Variants in CPEB1 observed in about 807,000 individuals in gnomAD.
The protein encoded by CPEB1 is cytoplasmic polyadenylation element-binding protein 1.
Under a neutral mutation model 65.8 loss-of-function variants are expected in CPEB1, and 7 were observed. The ratio of observed to expected loss-of-function variants is 0.11; its 90% CI spans 0.06 to 0.20. CPEB1 has a LOEUF of 0.20. Ranked by LOEUF, CPEB1 falls within the 10% of genes least tolerant of loss-of-function variation. CPEB1 has a pLI of 1.00. For missense variants in CPEB1, 551 were observed against 712.2 expected (o/e 0.77, Z 2.58); for synonymous variants, 262 against 260.0 (o/e 1.01, Z -0.08).
intron 3 of CPEB1, among the ~76,000 whole-genome samples, chr15:82,610,602 G>C (rs1448787120): frequency 6.6e-6 from 1 of 151,808 alleles, no homozygotes; most frequent in African/African-American, 2.4e-5. Flanking sequence ...ACACAGACAA[G>C]TATTTGATGA....
intron 3 of CPEB1, among the ~76,000 whole-genome samples, chr15:82,612,207 G>C (rs1448461453): frequency 2.0e-5 from 3 of 152,004 alleles, no homozygotes; most frequent in Non-Finnish European, 4.4e-5. Flanking sequence ...AGACGGAATA[G>C]AAATTTGAGC....
At chr15:82,630,358 T>C (rs1341470428) in intron 1 of CPEB1, among the ~76,000 whole-genome samples, 1 of 152,136 alleles carries the variant, frequency 6.6e-6, no homozygotes, top group African/African-American at 2.4e-5. Flanking sequence ...TAAACCAAAA[T>C]AAAGTTTTGA....
At chr15:82,623,791 T>C (rs2045522092) in intron 3 of CPEB1, among the ~76,000 whole-genome samples, 1 of 152,242 alleles carries the variant, frequency 6.6e-6, no homozygotes, top group Non-Finnish European at 1.5e-5. Flanking sequence ...TTTTACACTT[T>C]TTTTTACACC....
intron 3 of CPEB1, among the ~76,000 whole-genome samples, chr15:82,600,009 T>C (rs1479309025): frequency 2.6e-5 from 4 of 151,600 alleles, no homozygotes; most frequent in Admixed American, 1.3e-4. Context: ...GAAAGAAAAA[T>C]GAGGCACAGG....
chr15:82,640,496 T>A (rs1299862246), intron 1 of CPEB1, among the ~76,000 whole-genome samples: 1 of 152,142 alleles, frequency 6.6e-6, no homozygotes, highest in Non-Finnish European at 1.5e-5. Flanking sequence ...CTTGTCCTTA[T>A]ACATGTTGTT....
chr15:82,553,712 A>T (rs1260991421), intron 7 of CPEB1, among the ~76,000 whole-genome samples, 156 bp from the exon 8 acceptor site: 2 of 152,192 alleles, frequency 1.3e-5, no homozygotes, highest in African/African-American at 4.8e-5. Context: ...TCCCGACATA[A>T]GGAGCACTAT....
In CPEB1 at chr15:82,612,827, C is replaced by T. The variant is rs147152655; in HGVS notation, c.271+14366G>A. ...CCAGCCTGGGCAACATAGTGAGACT[C>T]TGTCTCAAAAAAAAGAACAAACAAA... On this transcript the variant is annotated intron_variant, in intron 3 of 12. Transcript: ENST00000684509. Among the ~76,000 whole-genome samples, 466 of 149,402 alleles carry T rather than the reference C, an allele frequency of 3.1e-3. 3 individuals carry two copies. Among genetic ancestry groups the T allele is most frequent in the African/African-American group, 0.011 (430 of 40,312 alleles).
chr15:82,620,297 T>C (rs888646423), intron 3 of CPEB1, among the ~76,000 whole-genome samples: 4 of 151,198 alleles, frequency 2.6e-5, no homozygotes, highest in Non-Finnish European at 4.4e-5. Flanking sequence ...TGGTGGCATG[T>C]GCCTGTAGTC....
Position 82,628,361 on chromosome 15 carries a change from TA to T in CPEB1, c.96+2del. On this transcript the variant is annotated splice_donor_variant, in intron 2 of 12. Transcript: ENST00000684509. LOFTEE classifies it high-confidence loss of function. Reference sequence around the variant, plus strand: ...CCTTGGAGAAATCCAAGAGTTAACATACCAGAGGAATTAGCAGAAGACAATC... The same window carrying T: ...CCTTGGAGAAATCCAAGAGTTAACATCCAGAGGAATTAGCAGAAGACAATC... The T allele has an allele frequency of 1.4e-6, 1 of 702,756 alleles. No individual in the cohort carries two copies. The allele number at this position is 702,756 out of a possible 1,614,324, so 43.5% of individuals were successfully genotyped here.
chr15:82,561,998 T>C (rs563255109), intron 4 of CPEB1, among the ~76,000 whole-genome samples: 1 of 152,308 alleles, frequency 6.6e-6, no homozygotes, highest in Admixed American at 6.5e-5. Context: ...AGAAGCACTT[T>C]AGGTAAACAG....
At chr15:82,563,862 A>G (rs1056351435) in intron 4 of CPEB1, among the ~76,000 whole-genome samples, 4 of 152,094 alleles carry the variant, frequency 2.6e-5, no homozygotes, top group Non-Finnish European at 5.9e-5. Context: ...AAACAAGTCA[A>G]TTCCCATTTG....
intron 3 of CPEB1, among the ~76,000 whole-genome samples, chr15:82,610,997 G>GAAA (rs1156567760): frequency 1.1e-5 from 1 of 94,052 alleles, no homozygotes; most frequent in Non-Finnish European, 2.2e-5. Context: ...AAGAAAAAAA[G>GAAA]AAAAAAAAAT....
chr15:82,577,412 A>C (rs2040775143), intron 3 of CPEB1, among the ~76,000 whole-genome samples: 2 of 152,104 alleles, frequency 1.3e-5, no homozygotes, highest in South Asian at 4.1e-4. Context: ...TTTCCTACAA[A>C]TGTTGCACAA....
At chr15:82,646,351 G>C (rs587652958) in intron 1 of CPEB1, among the ~76,000 whole-genome samples, 7 of 152,290 alleles carry the variant, frequency 4.6e-5, no homozygotes, top group South Asian at 2.1e-4. Flanking sequence ...AGTTGACTCA[G>C]GTGCCAGGAG....
chr15:82,553,834 G>A (rs1443390266), intron 7 of CPEB1, 44 bp downstream of exon 7: 2 of 1,335,046 alleles, frequency 1.5e-6, no homozygotes, highest in Non-Finnish European at 2.2e-6. Flanking sequence ...TGAAAGACAT[G>A]CCCCACCCTT....
At chr15:82,646,757 T>C (rs587599328) in intron 1 of CPEB1, among the ~76,000 whole-genome samples, 128 of 152,270 alleles carry the variant, frequency 8.4e-4, no homozygotes, top group African/African-American at 3.0e-3. Flanking sequence ...ACTCGACCGC[T>C]GAGGAACCCA....
upstream of CPEB1, chr15:82,648,056 C>T (rs1233752917): frequency 2.4e-6 from 1 of 409,840 alleles, no homozygotes; most frequent in Non-Finnish European, 4.1e-6. Flanking sequence ...CCTGTGTCGG[C>T]CCCGCCCGGG....
chr15:82,574,729 A>C (rs55966623), intron 3 of CPEB1, among the ~76,000 whole-genome samples: 1 of 81,272 alleles, frequency 1.2e-5, no homozygotes, highest in African/African-American at 4.3e-5. Flanking sequence ...TCTCAAAAAA[A>C]AAAAAAAAAA....
intron 8 of CPEB1, 34 bp downstream of exon 8, chr15:82,553,433 C>A: frequency 6.4e-7 from 1 of 1,553,122 alleles, no homozygotes; most frequent in Non-Finnish European, 8.9e-7. Context: ...AAAAAAAGCT[C>A]CTACCATGTC....
Sources: gnomAD v4.1 joint callset for allele counts (sites outside exome capture counted in the v4.1 genomes callset) on GRCh38, gnomAD v4.1.1 for gene constraint, MANE v1.5 for transcripts, NCBI Gene and HGNC (gene_info 2026-07-23, HGNC 2026-07-21) for gene names.